The following ACADM variants were observed in gnomAD, a reference collection of about 807,000 sequenced individuals.
ACADM encodes acyl-CoA dehydrogenase medium chain.
Under a neutral mutation model 58.9 loss-of-function variants are expected in ACADM, and 49 were observed. The ratio of observed to expected loss-of-function variants is 0.83; its 90% confidence interval spans 0.66 to 1.06. The LOEUF (loss-of-function observed/expected upper bound fraction) is 1.06, where lower values mean the gene tolerates loss of function less well. Among genes scored for constraint, ACADM ranks in the 50% least tolerant of loss-of-function variants. The probability of loss-of-function intolerance (pLI) is 0.00; values close to 1 mark genes in which losing one functional copy is unlikely to be tolerated. For synonymous variants in ACADM, 160 were observed against 157.7 expected (o/e 1.01, Z -0.11); for missense variants, 496 against 507.0 (o/e 0.98, Z 0.21).
chr1:75,743,462 T>C (rs1647698392), intron 7 of ACADM: 1 of 1,611,502 alleles, frequency 6.2e-7, no homozygotes, highest in Admixed American at 1.7e-5. Flanking sequence ...ACCGCTGCCT[T>C]GATTTTGCGG....
At position 75,750,432 on chromosome 1, in the gene ACADM, T is replaced by C. The variant is rs763796371; in HGVS notation, c.850-19T>C. The C allele has an allele frequency of 1.3e-6, 2 of 1,587,678 alleles. No individual in the cohort carries two copies. The highest frequency in any genetic ancestry group is 8.6e-7 in the Non-Finnish European group (1 of 1,162,896). On this transcript the variant is annotated intron_variant, in intron 9 of 11. Transcript: ENST00000370841. Reference sequence around the variant, plus strand: ...AAAGATAACATGAACTTTTGCTTTATAATATCTTAAAATACTAGGTAGCTG... The same window carrying C: ...AAAGATAACATGAACTTTTGCTTTACAATATCTTAAAATACTAGGTAGCTG...
intron 6 of ACADM, among the ~76,000 whole-genome samples, chr1:75,737,222 C>G (rs911183966): frequency 2.2e-5 from 3 of 139,420 alleles, no homozygotes; most frequent in Admixed American, 7.5e-5. Context: ...CGCTTGAGGC[C>G]AGGAGTTCAA....
Position 75,749,672 on chromosome 1 carries a change from T to C in ACADM, c.849+113T>C, listed in dbSNP as rs1030934896. 86 of 1,024,282 alleles carry C rather than the reference T, an allele frequency of 8.4e-5. 1 individual carries two copies. Among genetic ancestry groups the C allele is most frequent in the Admixed American group, 2.1e-4 (8 of 37,510 alleles). 63.4% of individuals were successfully genotyped at this position (1,024,282 alleles called of 1,614,324 possible). A position where few individuals can be genotyped will look rare whatever the true frequency, so the allele number is the denominator to read the frequency against. On this transcript the variant is annotated intron_variant, in intron 9 of 11. Transcript: ENST00000370841. Reference sequence around the variant, plus strand: ...TGTTTCTCTTTTTAATATCTGCTTATTTTATTAAGGATATAGGAAAAATAC... The same window carrying C: ...TGTTTCTCTTTTTAATATCTGCTTACTTTATTAAGGATATAGGAAAAATAC...
At chr1:75,725,490 T>A (rs549056380) in intron 1 of ACADM, among the ~76,000 whole-genome samples, 2 of 152,336 alleles carry the variant, frequency 1.3e-5, no homozygotes, top group South Asian at 2.1e-4. Flanking sequence ...TTGCTGGTGT[T>A]ATGCAAGTTA....
In ACADM at chr1:75,762,993, TA is replaced by T; in HGVS notation, c.*231del. The T allele has an allele frequency of 5.7e-6, 2 of 351,032 alleles. No individual in the cohort carries two copies. Among genetic ancestry groups the T allele is most frequent in the South Asian group, 8.9e-5 (2 of 22,414 alleles). 21.7% of individuals were successfully genotyped at this position (351,032 alleles called of 1,614,324 possible). On this transcript the variant is annotated 3_prime_UTR_variant, in exon 12 of 12. Transcript: ENST00000370841. ...TTCTTTAGTACCACTTTACTTGAATTACATTAACCTAGAAAACTACATAGGT... is the reference window on the plus strand; with the variant it reads ...TTCTTTAGTACCACTTTACTTGAATTCATTAACCTAGAAAACTACATAGGT...
intron 2 of ACADM, among the ~76,000 whole-genome samples, chr1:75,730,115 G>A (rs979990046): frequency 1.3e-5 from 2 of 152,000 alleles, no homozygotes; most frequent in East Asian, 1.9e-4. Context: ...CGCTGGTCTC[G>A]AACTCCTGGC....
intron 1 of ACADM, among the ~76,000 whole-genome samples, chr1:75,727,982 A>G (rs1647082719): frequency 6.6e-6 from 1 of 152,180 alleles, no homozygotes. Flanking sequence ...GTGACAGGGT[A>G]TCAAAGTTGA....
Position 75,733,672 on chromosome 1 carries a change from A to T in ACADM, c.387+44A>T, listed in dbSNP as rs749399758. Reference sequence around the variant, plus strand: ...TAACTACCTAACTCAGCTCTTGTTAATGAGATAGTTACTCCTGAAGAAGTT... The same window carrying T: ...TAACTACCTAACTCAGCTCTTGTTATTGAGATAGTTACTCCTGAAGAAGTT... On this transcript the variant is annotated intron_variant, in intron 5 of 11. Transcript: ENST00000370841. The T allele has an allele frequency of 4.8e-6, 7 of 1,449,932 alleles. No homozygotes were observed. In the Admixed American group the frequency reaches 1.2e-4, roughly 24 times the overall value. 89.8% of individuals were successfully genotyped at this position (1,449,932 alleles called of 1,614,324 possible). A position where few individuals can be genotyped will look rare whatever the true frequency, so the allele number is the denominator to read the frequency against.
rs751938305 is a variant in ACADM, at chr1:75,761,272, A to G, written c.1096A>G (p.Asn366Asp). The change falls in exon 11 of 12, where the codon AAT becomes GAT. Residue 366 changes from asparagine to aspartate, a missense_variant. Coordinates refer to ENST00000370841, the MANE Select transcript of ACADM (RefSeq NM_000016.6). ...IAKAFAGDIA[N>D]QLATDAVQIL... ...AAAGGCATTTGCTGGAGATATTGCAAATCAGTTAGCTACTGATGCTGTGCA... is the reference window on the plus strand; with the variant it reads ...AAAGGCATTTGCTGGAGATATTGCAGATCAGTTAGCTACTGATGCTGTGCA... 8.7e-6 allele frequency: 14 copies of G among 1,614,030 alleles called. No homozygotes were observed. The highest frequency in any genetic ancestry group is 1.1e-5 in the Non-Finnish European group (13 of 1,179,992).
At chr1:75,750,387 A>T in intron 9 of ACADM, 64 bp from the exon 10 acceptor site, 1 of 1,317,800 alleles carries the variant, frequency 7.6e-7, no homozygotes, top group Non-Finnish European at 1.1e-6. Flanking sequence ...ATAGACACTT[A>T]GGCAGATATT....
At chr1:75,732,440 C>G in intron 2 of ACADM, 4 of 575,514 alleles carry the variant, frequency 7.0e-6, no homozygotes, top group South Asian at 4.3e-5. Flanking sequence ...AAAATCTTAC[C>G]TATTTCCTTT....
intron 5 of ACADM, chr1:75,734,573 A>G (rs1021308815): frequency 3.8e-6 from 2 of 522,914 alleles, no homozygotes; most frequent in African/African-American, 3.8e-5. Context: ...TTCACAGATT[A>G]TAATGCCACA....
chr1:75,747,866 G>A (rs966452298), intron 8 of ACADM, among the ~76,000 whole-genome samples: 1 of 152,250 alleles, frequency 6.6e-6, no homozygotes, highest in Non-Finnish European at 1.5e-5. Flanking sequence ...AATGTTGTGG[G>A]GTTTGGGATA....
At chr1:75,733,681 T>G in intron 5 of ACADM, 53 bp downstream of exon 5, 1 of 1,411,656 alleles carries the variant, frequency 7.1e-7, no homozygotes, top group Admixed American at 1.7e-5. Flanking sequence ...AATGAGATAG[T>G]TACTCCTGAA....
chr1:75,753,208 T>G (rs551505545), intron 10 of ACADM, among the ~76,000 whole-genome samples: 2 of 152,290 alleles, frequency 1.3e-5, no homozygotes, highest in East Asian at 3.9e-4. Flanking sequence ...AAGCAAAGCT[T>G]TTACATGCAG....
intron 10 of ACADM, among the ~76,000 whole-genome samples, chr1:75,758,865 G>A (rs1037775809): frequency 1.3e-5 from 2 of 152,182 alleles, no homozygotes; most frequent in African/African-American, 4.8e-5. Context: ...GGACAAATAA[G>A]GGAATAAAAA....
intron 11 of ACADM, among the ~76,000 whole-genome samples, chr1:75,762,146 A>G (rs1648891248): frequency 6.6e-6 from 1 of 152,178 alleles, no homozygotes; most frequent in South Asian, 2.1e-4. Flanking sequence ...TATTACTATT[A>G]TTATCATCAA....
At chr1:75,759,656 CTTTTTTTTTTTT>C (rs34394777) in intron 10 of ACADM, among the ~76,000 whole-genome samples, 8 of 87,582 alleles carry the variant, frequency 9.1e-5, no homozygotes, top group Admixed American at 1.4e-4. Flanking sequence ...TAGCAACTTT[CTTTTTTTTTTTT>C]TTTTTTTTTT....
chr1:75,750,117 T>TA (rs1389183051), intron 9 of ACADM, among the ~76,000 whole-genome samples: 63 of 152,280 alleles, frequency 4.1e-4, no homozygotes, highest in African/African-American at 1.5e-3. Flanking sequence ...GTGCTAGATT[T>TA]AGAGAGGCAG....
Sources: gnomAD v4.1 joint callset for allele counts (sites outside exome capture counted in the v4.1 genomes callset) on GRCh38, gnomAD v4.1.1 for gene constraint, MANE v1.5 for transcripts, NCBI Gene and HGNC (gene_info 2026-07-23, HGNC 2026-07-21) for gene names.